Variants in STRN observed in about 807,000 individuals in gnomAD.
STRN encodes striatin, also known as protein phosphatase 2 regulatory subunit B'''alpha.
STRN carries 53 observed loss-of-function variants against 96.3 expected under a neutral mutation model. The observed-to-expected ratio is 0.55, with a 90% confidence interval of 0.44 to 0.69. The LOEUF (loss-of-function observed/expected upper bound fraction) is 0.69, where lower values mean the gene tolerates loss of function less well. STRN is among the 30% of genes least tolerant of loss of function. STRN has a pLI of 0.00. For synonymous variants in STRN, 428 were observed against 355.9 expected (o/e 1.20, Z -2.28); for missense variants, 987 against 963.9 (o/e 1.02, Z -0.32).
chr2:36,956,781 T>C (rs1021964737), intron 1 of STRN, among the ~76,000 whole-genome samples: 5 of 152,248 alleles, frequency 3.3e-5, no homozygotes, highest in Non-Finnish European at 5.9e-5. Context: ...GCACATCTCT[T>C]GATAAAGAAG....
At chr2:36,907,416 G>A (rs1290166981) in intron 3 of STRN, among the ~76,000 whole-genome samples, 2 of 152,082 alleles carry the variant, frequency 1.3e-5, no homozygotes, top group Non-Finnish European at 2.9e-5. Flanking sequence ...AGGCGTGGTG[G>A]CACATGCCTG....
At chr2:36,948,280 T>G (rs75202406) in intron 1 of STRN, among the ~76,000 whole-genome samples, 7,292 of 151,710 alleles carry the variant, frequency 0.048, 575 homozygotes, top group African/African-American at 0.17. Context: ...TTTTGTACTT[T>G]AGTAGAGACG....
At chr2:36,946,504 T>C (rs1483154511) in intron 1 of STRN, among the ~76,000 whole-genome samples, 5 of 152,212 alleles carry the variant, frequency 3.3e-5, no homozygotes, top group African/African-American at 1.2e-4. Flanking sequence ...TTGAGAAGAC[T>C]TGAAATGTAA....
chr2:36,870,008 G>A lies in STRN; in HGVS notation c.1324-279C>T, dbSNP rs1381302057. ...AAATTATATAAAATAGATCTTACTA[G>A]GATGATAAATAATACCAAGTAATTC... On this transcript the variant is annotated intron_variant, in intron 10 of 17. Coordinates refer to ENST00000263918, the MANE Select transcript of STRN (RefSeq NM_003162.4). Among the ~76,000 whole-genome samples, 3 of 151,958 alleles carry A rather than the reference G, an allele frequency of 2.0e-5. No individual in the cohort carries two copies. The East Asian group carries it at 5.8e-4, about 29-fold the overall frequency.
chr2:36,905,219 T>C (rs1669791060), intron 4 of STRN, among the ~76,000 whole-genome samples: 1 of 152,188 alleles, frequency 6.6e-6, no homozygotes, highest in Admixed American at 6.5e-5. Context: ...TCCATCCACC[T>C]TGACCTCCCA....
In STRN at chr2:36,847,428, AATGTT is replaced by A. The variant is rs1475536187; in HGVS notation, c.*2023_*2027del. ...AGGAATTTTCCAGTATCCTTCTACA[AATGTT>A]AGGTTAGAAACATTCTTTCTTCACT... is the stretch of plus-strand genomic sequence containing the variant. On this transcript the variant is annotated 3_prime_UTR_variant, in exon 18 of 18. Coordinates refer to ENST00000263918, the MANE Select transcript of STRN (RefSeq NM_003162.4). 1.3e-5 allele frequency: 2 copies of A among 152,116 alleles called. No individual in the cohort carries two copies. The highest frequency in any genetic ancestry group is 4.8e-5 in the African/African-American group (2 of 41,428). The allele number at this position is 152,116 out of a possible 1,614,324, so 9.4% of individuals were successfully genotyped here. A position where few individuals can be genotyped will look rare whatever the true frequency, so the allele number is the denominator to read the frequency against.
intron 3 of STRN, 83 bp downstream of exon 3, chr2:36,915,995 T>TA (rs750355467): frequency 6.6e-6 from 8 of 1,216,938 alleles, no homozygotes; most frequent in Middle Eastern, 5.5e-4. Context: ...AATTAGAAAG[T>TA]AACTTACAGT....
At chr2:36,857,108 T>C (rs766652205) in intron 14 of STRN, among the ~76,000 whole-genome samples, 20 of 149,122 alleles carry the variant, frequency 1.3e-4, no homozygotes, top group African/African-American at 2.0e-4. Context: ...TTAAAGAAAA[T>C]GTAGAGACAG....
intron 2 of STRN, among the ~76,000 whole-genome samples, chr2:36,920,233 A>C (rs1308157237): frequency 1.3e-5 from 2 of 152,182 alleles, no homozygotes; most frequent in Non-Finnish European, 2.9e-5. Context: ...TTTTTTTTAA[A>C]ATTCAATTTA....
At chr2:36,875,063 G>C (rs1431070588) in intron 10 of STRN, among the ~76,000 whole-genome samples, 1 of 152,164 alleles carries the variant, frequency 6.6e-6, no homozygotes, top group Non-Finnish European at 1.5e-5. Flanking sequence ...TGACATATAA[G>C]TAGGGTGGGA....
intron 1 of STRN, among the ~76,000 whole-genome samples, chr2:36,940,484 A>C (rs1023259413): frequency 6.6e-6 from 1 of 152,136 alleles, no homozygotes; most frequent in Non-Finnish European, 1.5e-5. Flanking sequence ...AGTTTCCTGT[A>C]TTCCTCTTGA....
chr2:36,901,893 C>G (rs1183323022), intron 5 of STRN, among the ~76,000 whole-genome samples: 16 of 152,068 alleles, frequency 1.1e-4, no homozygotes, highest in Non-Finnish European at 5.9e-5. Flanking sequence ...CAATTAAAAC[C>G]ATTCTTCCTT....
At chr2:36,853,021 G>A (rs1025759215) in intron 15 of STRN, among the ~76,000 whole-genome samples, 4 of 152,284 alleles carry the variant, frequency 2.6e-5, no homozygotes, top group Admixed American at 1.3e-4. Context: ...ACCAGATATG[G>A]TGGCACACGC....
At position 36,928,382 on chromosome 2, in the gene STRN, T is replaced by C. The variant is rs1389427583; in HGVS notation, c.235-3174A>G. On this transcript the variant is annotated intron_variant, in intron 1 of 17. Coordinates refer to ENST00000263918, the MANE Select transcript of STRN (RefSeq NM_003162.4). ...AAAGAGGAAAATAGGTCGGACACAG[T>C]GGCTCACACCTGTAATCCCAGAACT... Among the ~76,000 whole-genome samples, 3 of 152,228 alleles carry C rather than the reference T, an allele frequency of 2.0e-5. No homozygotes were observed. In the South Asian group the frequency reaches 6.2e-4, roughly 32 times the overall value.
intron 13 of STRN, among the ~76,000 whole-genome samples, chr2:36,860,702 G>C (rs1487916438): frequency 6.6e-6 from 1 of 152,078 alleles, no homozygotes; most frequent in Admixed American, 6.5e-5. Context: ...TGGTGTCATG[G>C]GCTTTAAAAA....
chr2:36,949,354 A>C (rs1371815200), intron 1 of STRN, among the ~76,000 whole-genome samples: 2 of 152,234 alleles, frequency 1.3e-5, no homozygotes, highest in South Asian at 2.1e-4. Flanking sequence ...ATATGTAGGA[A>C]ATATAAACAG....
chr2:36,936,145 A>T (rs1409658526), intron 1 of STRN, among the ~76,000 whole-genome samples: 1 of 152,196 alleles, frequency 6.6e-6, no homozygotes, highest in East Asian at 1.9e-4. Context: ...TTCTTGCTTC[A>T]TATTTAGACA....
At chr2:36,952,880 T>G (rs1354378356) in intron 1 of STRN, among the ~76,000 whole-genome samples, 1 of 152,174 alleles carries the variant, frequency 6.6e-6, no homozygotes, top group Non-Finnish European at 1.5e-5. Flanking sequence ...AGGGAGCAGG[T>G]TTTGGTTGTG....
chr2:36,951,243 G>C (rs1415031453), intron 1 of STRN, among the ~76,000 whole-genome samples: 1 of 152,208 alleles, frequency 6.6e-6, no homozygotes, highest in Admixed American at 6.5e-5. Context: ...GGTGGAAGGA[G>C]ACAACACTAT....
Sources: allele counts gnomAD v4.1 joint callset (sites outside exome capture counted in the v4.1 genomes callset), GRCh38; gene constraint gnomAD v4.1.1; transcripts MANE v1.5; gene names NCBI Gene and HGNC (gene_info 2026-07-23, HGNC 2026-07-21).